RELCH: variants seen among roughly 807,000 people sequenced by gnomAD.
The protein encoded by RELCH is RAB11 binding and LisH domain, coiled-coil and HEAT repeat containing, also known as RAB11-binding protein RELCH.
A neutral mutation model predicts 150.3 loss-of-function variants in RELCH; 41 were observed. The observed-to-expected ratio is 0.27, with a 90% CI of 0.21 to 0.35. The LOEUF is 0.35. RELCH is among the 10% of genes least tolerant of loss of function. RELCH has a pLI of 1.00. For missense variants in RELCH, 1,092 were observed against 1,467.8 expected (o/e 0.74, Z 4.18); for synonymous variants, 478 against 531.8 (o/e 0.90, Z 1.39).
intron 28 of RELCH, among the ~76,000 whole-genome samples, chr18:62,301,416 C>A (rs901915953): frequency 2.0e-5 from 3 of 152,188 alleles, no homozygotes; most frequent in Non-Finnish European, 4.4e-5. Context: ...AGCTACTGAG[C>A]TAGACTCTGC....
intron 10 of RELCH, among the ~76,000 whole-genome samples, chr18:62,238,111 A>G (rs2041966960): frequency 6.6e-6 from 1 of 151,946 alleles, no homozygotes; most frequent in Admixed American, 6.6e-5. Flanking sequence ...CCCATATTTC[A>G]AAGATACTAA....
chr18:62,277,315 T>C (rs1313680935), intron 22 of RELCH, among the ~76,000 whole-genome samples: 1 of 152,144 alleles, frequency 6.6e-6, no homozygotes, highest in African/African-American at 2.4e-5. Context: ...TTGATGAACT[T>C]CTGGATCTTG....
At chr18:62,232,967 T>C (rs2041671074) in intron 10 of RELCH, among the ~76,000 whole-genome samples, 2 of 152,018 alleles carry the variant, frequency 1.3e-5, no homozygotes, top group Admixed American at 6.6e-5. Context: ...CTACAACAAC[T>C]TTTTAAAGTA....
chr18:62,287,552 C>G (rs1391906798), intron 26 of RELCH, 85 bp downstream of exon 26: 5 of 754,934 alleles, frequency 6.6e-6, no homozygotes, highest in Non-Finnish European at 9.1e-6. Flanking sequence ...AAAAGTAGAA[C>G]TTCTTTTCTT....
At position 62,187,869 on chromosome 18, in the gene RELCH, C is replaced by T; in HGVS notation, c.364C>T (p.Arg122Trp). Residue 122 changes from arginine (R) to tryptophan (W), a missense_variant, in exon 1 of 29, where the codon CGG becomes TGG. Coordinates refer to ENST00000644646, the MANE Select transcript of RELCH (RefSeq NM_001346231.2). ...GCATACCGAGCTGTTAGAGAGTGGCCGGGAGCTGCCTCGGCTGCGCGACTA... is the reference window on the plus strand; with the variant it reads ...GCATACCGAGCTGTTAGAGAGTGGCTGGGAGCTGCCTCGGCTGCGCGACTA... Reference protein sequence around the residue: ...ELHTELLESGRELPRLRDYFS... With the variant: ...ELHTELLESGWELPRLRDYFS... The T allele has an allele frequency of 1.3e-6, 2 of 1,593,644 alleles. No individual in the cohort carries two copies. The highest frequency in any genetic ancestry group is 1.7e-6 in the Non-Finnish European group (2 of 1,170,606).
chr18:62,292,541 T>C (rs2045206018), intron 27 of RELCH, among the ~76,000 whole-genome samples: 1 of 152,166 alleles, frequency 6.6e-6, no homozygotes, highest in African/African-American at 2.4e-5. Context: ...CATCTTCTGC[T>C]CTAACCCCAT....
intron 1 of RELCH, among the ~76,000 whole-genome samples, chr18:62,194,167 G>A (rs1311232228): frequency 6.6e-6 from 1 of 152,134 alleles, no homozygotes; most frequent in Non-Finnish European, 1.5e-5. Flanking sequence ...AGGATCGCTT[G>A]AGCCCAGGTG....
intron 11 of RELCH, chr18:62,247,422 G>T (rs2042472405): frequency 6.6e-6 from 1 of 151,986 alleles, no homozygotes; most frequent in Admixed American, 6.6e-5. Flanking sequence ...AGATTGTCTG[G>T]AATAAGGAGA....
At chr18:62,270,510 AAGTT>A (rs1218188618) in intron 20 of RELCH, among the ~76,000 whole-genome samples, 1 of 152,184 alleles carries the variant, frequency 6.6e-6, no homozygotes, top group Admixed American at 6.5e-5. Flanking sequence ...GCACTTTTAG[AAGTT>A]AGAATGTAAG....
chr18:62,268,588 G>A, intron 19 of RELCH: 1 of 189,072 alleles, frequency 5.3e-6, no homozygotes, highest in Non-Finnish European at 1.1e-5. Context: ...AGACTTTCAA[G>A]AAGAAAGTTC....
At chr18:62,246,876 A>C (rs1181818221) in intron 11 of RELCH, 4 of 152,246 alleles carry the variant, frequency 2.6e-5, no homozygotes, top group African/African-American at 9.6e-5. Flanking sequence ...GTTTTATCAC[A>C]AACAAAGCCA....
intron 5 of RELCH, among the ~76,000 whole-genome samples, chr18:62,221,912 T>C (rs1326939138): frequency 6.6e-6 from 1 of 151,902 alleles, no homozygotes; most frequent in Admixed American, 6.6e-5. Context: ...TTTAAGAGAG[T>C]ATATTGTAAA....
At chr18:62,217,527 G>T (rs1447026045) in intron 2 of RELCH, among the ~76,000 whole-genome samples, 1 of 151,870 alleles carries the variant, frequency 6.6e-6, no homozygotes, top group African/African-American at 2.4e-5. Flanking sequence ...GGTCAATAAT[G>T]GTGCCATTAT....
In RELCH at chr18:62,187,646, A is replaced by T; in HGVS notation, c.141A>T (p.Leu47=). ...AVLRLGAGSG[L]DPGSAGSLSP... ...TTCGGCTGGGCGCCGGAAGTGGCCT[A>T]GATCCTGGCTCTGCGGGCTCGCTGT... Residue 47 remains leucine, a synonymous_variant, in exon 1 of 29, where the codon CTA becomes CTT. Coordinates refer to ENST00000644646, the MANE Select transcript of RELCH (RefSeq NM_001346231.2). 1 of 1,554,906 alleles carries T rather than the reference A, an allele frequency of 6.4e-7. No homozygotes were observed. Among genetic ancestry groups the T allele is most frequent in the Non-Finnish European group, 8.7e-7 (1 of 1,148,212 alleles).
Position 62,252,721 on chromosome 18 carries a change from A to G in RELCH, c.1791A>G (p.Val597=), listed in dbSNP as rs2042784397. Reference sequence around the variant, plus strand: ...CGCGTCATGTTGGACCAACACGTGTAGAAGCTGAACTTTTACCACAGTGTT... The same window carrying G: ...CGCGTCATGTTGGACCAACACGTGTGGAAGCTGAACTTTTACCACAGTGTT... ...AFARHVGPTR[V]EAELLPQCWE... Residue 597 remains valine, a synonymous_variant, in exon 12 of 29, where the codon GTA becomes GTG. Transcript: ENST00000644646. The G allele has an allele frequency of 1.2e-6, 2 of 1,613,968 alleles. No homozygotes were observed. Among genetic ancestry groups the G allele is most frequent in the Non-Finnish European group, 1.7e-6 (2 of 1,179,866 alleles).
rs1270907352 is a variant in RELCH, at chr18:62,306,039, C to T, written c.*505C>T. The stretch of plus-strand genomic sequence containing the variant: ...CCAGCATTACTCTGTGCCTTTTGGA[C>T]ATCAGTTTGTGTGTTCTGTAGGAAT... On this transcript the variant is annotated 3_prime_UTR_variant, in exon 29 of 29. Transcript: ENST00000644646. The T allele has an allele frequency of 6.6e-6, 1 of 152,634 alleles. No individual in the cohort carries two copies. Among genetic ancestry groups the T allele is most frequent in the Non-Finnish European group, 1.5e-5 (1 of 68,046 alleles). 9.5% of individuals were successfully genotyped at this position (152,634 alleles called of 1,614,324 possible).
At chr18:62,203,922 C>A (rs1035227264) in intron 1 of RELCH, among the ~76,000 whole-genome samples, 2 of 151,968 alleles carry the variant, frequency 1.3e-5, no homozygotes, top group African/African-American at 4.8e-5. Context: ...TGGGTTACAG[C>A]GAGCTATGAT....
At chr18:62,195,854 C>G (rs2039001775) in intron 1 of RELCH, among the ~76,000 whole-genome samples, 1 of 152,052 alleles carries the variant, frequency 6.6e-6, no homozygotes, top group Non-Finnish European at 1.5e-5. Context: ...TGCCACCACA[C>G]CCAGCCAATT....
chr18:62,233,587 A>G (rs2041712230), intron 10 of RELCH, among the ~76,000 whole-genome samples: 1 of 152,014 alleles, frequency 6.6e-6, no homozygotes, highest in Non-Finnish European at 1.5e-5. Flanking sequence ...TAAGATATTA[A>G]TAAGTATGGA....
Sources: gnomAD v4.1 joint callset for allele counts (sites outside exome capture counted in the v4.1 genomes callset) on GRCh38, gnomAD v4.1.1 for gene constraint, MANE v1.5 for transcripts, NCBI Gene and HGNC (gene_info 2026-07-23, HGNC 2026-07-21) for gene names.